ADAM22: variants seen among roughly 807,000 people sequenced by gnomAD.
ADAM22 encodes the protein disintegrin and metalloproteinase domain-containing protein 22.
A neutral mutation model predicts 144.6 loss-of-function variants in ADAM22; 65 were observed. The observed-to-expected ratio is 0.45, with a 90% CI of 0.37 to 0.55. ADAM22 has a LOEUF of 0.55. Ranked by LOEUF, ADAM22 falls within the 20% of genes least tolerant of loss-of-function variation. The probability of loss-of-function intolerance (pLI) is 0.00; values close to 1 mark genes in which losing one functional copy is unlikely to be tolerated. For missense variants in ADAM22, 974 were observed against 1,184.9 expected (o/e 0.82, Z 2.61); for synonymous variants, 391 against 412.6 (o/e 0.95, Z 0.63).
At chr7:88,082,537 A>G (rs191864998) in intron 4 of ADAM22, among the ~76,000 whole-genome samples, 9 of 152,326 alleles carry the variant, frequency 5.9e-5, no homozygotes, top group African/African-American at 1.4e-4. Context: ...AACCACCATC[A>G]GAGTGAACAG....
At chr7:87,966,726 T>TTTTTTG (rs1849156883) in intron 2 of ADAM22, among the ~76,000 whole-genome samples, 2 of 124,758 alleles carry the variant, frequency 1.6e-5, no homozygotes, top group African/African-American at 3.1e-5. Flanking sequence ...AAGCCGTTTT[T>TTTTTTG]TTTTTTTTTT....
intron 7 of ADAM22, among the ~76,000 whole-genome samples, chr7:88,124,237 T>A (rs755684409): frequency 6.6e-6 from 1 of 151,960 alleles, no homozygotes. Context: ...AACTTTGAAT[T>A]TGTCTATTTC....
chr7:88,130,488 C>T, intron 10 of ADAM22, 29 bp downstream of exon 10: 1 of 1,578,222 alleles, frequency 6.3e-7, no homozygotes, highest in South Asian at 1.1e-5. Flanking sequence ...CATTATTGCC[C>T]TAGAAGATTC....
chr7:88,167,630 C>T (rs1698691629), intron 24 of ADAM22, among the ~76,000 whole-genome samples: 1 of 152,180 alleles, frequency 6.6e-6, no homozygotes, highest in African/African-American at 2.4e-5. Flanking sequence ...TCACCTACAT[C>T]ACCTGGGCAG....
chr7:88,079,801 C>G (rs535314103), intron 4 of ADAM22, among the ~76,000 whole-genome samples: 1 of 152,256 alleles, frequency 6.6e-6, no homozygotes, highest in African/African-American at 2.4e-5. Flanking sequence ...AACTAAGTAT[C>G]CTAAATATAT....
intron 3 of ADAM22, among the ~76,000 whole-genome samples, chr7:88,031,281 G>A (rs1312163006): frequency 1.3e-5 from 2 of 152,184 alleles, no homozygotes; most frequent in African/African-American, 4.8e-5. Context: ...TTTAAAACTG[G>A]GTAGTGGGCA....
At chr7:87,989,919 C>G (rs1398316951) in intron 3 of ADAM22, among the ~76,000 whole-genome samples, 1 of 147,834 alleles carries the variant, frequency 6.8e-6, no homozygotes, top group African/African-American at 2.5e-5. Flanking sequence ...GACTCCATCT[C>G]AAAGAAAAAA....
chr7:87,952,180 T>C (rs1327920371), intron 2 of ADAM22, among the ~76,000 whole-genome samples: 1 of 152,002 alleles, frequency 6.6e-6, no homozygotes, highest in African/African-American at 2.4e-5. Flanking sequence ...AACACTATGT[T>C]GAATAGGAGT....
Position 88,128,495 on chromosome 7 carries a change from A to C in ADAM22, c.679-107A>C, listed in dbSNP as rs1245046409. The C allele has an allele frequency of 3.5e-6, 3 of 862,038 alleles. No homozygotes were observed. In the East Asian group the frequency reaches 7.5e-5, roughly 22 times the overall value. The allele number at this position is 862,038 out of a possible 1,614,324, so 53.4% of individuals were successfully genotyped here. A position where few individuals can be genotyped will look rare whatever the true frequency, so the allele number is the denominator to read the frequency against. On this transcript the variant is annotated intron_variant, in intron 8 of 31. Transcript: ENST00000413139. ...TGAAAAATTTTTTAAATGCTGAAGGAATAAAAAGGGAAAATTTTGTTTTGT... is the reference window on the plus strand; with the variant it reads ...TGAAAAATTTTTTAAATGCTGAAGGCATAAAAAGGGAAAATTTTGTTTTGT...
intron 4 of ADAM22, among the ~76,000 whole-genome samples, chr7:88,099,250 T>G (rs1822265343): frequency 6.6e-6 from 1 of 152,154 alleles, no homozygotes; most frequent in Non-Finnish European, 1.5e-5. Context: ...CTTGCTGCAG[T>G]TTTATCTATG....
chr7:88,110,548 T>A (rs1306912369), intron 5 of ADAM22, among the ~76,000 whole-genome samples: 1 of 151,680 alleles, frequency 6.6e-6, no homozygotes, highest in Non-Finnish European at 1.5e-5. Flanking sequence ...CCTACTATAG[T>A]CTTGTAAAGA....
chr7:88,006,747 T>C (rs559661324), intron 3 of ADAM22, among the ~76,000 whole-genome samples: 123 of 150,182 alleles, frequency 8.2e-4, no homozygotes, highest in Non-Finnish European at 1.4e-3. Flanking sequence ...TGATGGGACG[T>C]ATCTCAAAAT....
At chr7:88,077,436 T>C (rs1385764805) in intron 4 of ADAM22, among the ~76,000 whole-genome samples, 4 of 152,092 alleles carry the variant, frequency 2.6e-5, no homozygotes, top group African/African-American at 9.7e-5. Flanking sequence ...AGACGGGTGA[T>C]TTCTGCATTT....
intron 14 of ADAM22, 57 bp from the exon 15 acceptor site, chr7:88,142,969 A>T: frequency 5.5e-6 from 6 of 1,097,184 alleles, no homozygotes; most frequent in South Asian, 2.7e-5. Flanking sequence ...GTTTTCAGAC[A>T]TTCACAAATG....
intron 3 of ADAM22, among the ~76,000 whole-genome samples, chr7:87,992,672 A>T (rs1015657032): frequency 6.6e-6 from 1 of 152,076 alleles, no homozygotes; most frequent in African/African-American, 2.4e-5. Context: ...TTTTTTTTCT[A>T]TAGCACATTT....
chr7:87,993,270 C>G (rs1477821811), intron 3 of ADAM22, among the ~76,000 whole-genome samples: 1 of 152,114 alleles, frequency 6.6e-6, no homozygotes, highest in African/African-American at 2.4e-5. Context: ...AACAGGTGCT[C>G]CCTTTATCAA....
intron 4 of ADAM22, among the ~76,000 whole-genome samples, chr7:88,078,470 G>A (rs756750898): frequency 1.4e-4 from 21 of 152,324 alleles, no homozygotes; most frequent in Admixed American, 7.8e-4. Context: ...GCAGCTCCTC[G>A]CCAGCAACGG....
In ADAM22 at chr7:87,958,358, A is replaced by G. The variant is rs146471394; in HGVS notation, c.247-19978A>G. ...TTTCATCATTATCTGGAACCATAAGACTTTAAAGTTTTTTTAAATTTTTTT... is the reference window on the plus strand; with the variant it reads ...TTTCATCATTATCTGGAACCATAAGGCTTTAAAGTTTTTTTAAATTTTTTT... On this transcript the variant is annotated intron_variant, in intron 2 of 31. Transcript: ENST00000413139. Among the ~76,000 whole-genome samples the G allele has an allele frequency of 3.7e-4, 57 of 152,020 alleles. 2 individuals carry two copies. The East Asian group carries it at 0.011, about 29-fold the overall frequency.
chr7:88,110,729 G>A (rs1471678854), intron 5 of ADAM22, among the ~76,000 whole-genome samples: 2 of 133,402 alleles, frequency 1.5e-5, no homozygotes, highest in Non-Finnish European at 3.2e-5. Flanking sequence ...TTGTTCGTTC[G>A]TTCATTCATT....
Sources: gnomAD v4.1 joint callset for allele counts (sites outside exome capture counted in the v4.1 genomes callset) on GRCh38, gnomAD v4.1.1 for gene constraint, MANE v1.5 for transcripts, NCBI Gene and HGNC (gene_info 2026-07-23, HGNC 2026-07-21) for gene names.